The following FRYL variants were observed in gnomAD, a reference collection of about 807,000 sequenced individuals.
FRYL encodes protein furry homolog-like.
In FRYL, 150 loss-of-function variants were observed where a neutral mutation model predicts 351.2. That is an observed-to-expected ratio of 0.43 (90% CI 0.37 to 0.49). The LOEUF (loss-of-function observed/expected upper bound fraction) is 0.49. Among genes scored for constraint, FRYL ranks in the 20% least tolerant of loss-of-function variants. FRYL has a pLI of 0.00. For synonymous variants in FRYL, 1,153 were observed against 1,257.1 expected (o/e 0.92, Z 1.75); for missense variants, 3,036 against 3,619.3 (o/e 0.84, Z 4.13).
At chr4:48,694,737 T>C (rs1765992302) in intron 2 of FRYL, among the ~76,000 whole-genome samples, 2 of 152,174 alleles carry the variant, frequency 1.3e-5, no homozygotes, top group African/African-American at 4.8e-5. Flanking sequence ...CCCACTAAAA[T>C]TATTTCTTGA....
intron 16 of FRYL, among the ~76,000 whole-genome samples, chr4:48,593,140 A>T (rs1743818630): frequency 6.6e-6 from 1 of 152,058 alleles, no homozygotes; most frequent in Admixed American, 6.6e-5. Context: ...TGGGGGAAAC[A>T]AATTTTTGTT....
In FRYL at chr4:48,581,485, T is replaced by C. The variant is rs1740888666; in HGVS notation, c.2107A>G (p.Arg703Gly). ...VILCSSRPAT[R>G]RLAVSVLREI... ...CTAAGGACACTGACGGCTAGTCTCCTAGTGGCAGGTCGACTGCTACAGAGA... is the reference window on the plus strand; with the variant it reads ...CTAAGGACACTGACGGCTAGTCTCCCAGTGGCAGGTCGACTGCTACAGAGA... Residue 703 changes from arginine to glycine, a missense_variant, in exon 21 of 64, where the codon AGG becomes GGG. Physicochemically the swap from Arg to Gly is moderately radical, Grantham distance 125 (BLOSUM62 -2). Transcript: ENST00000358350. 2 of 1,613,928 alleles carry C rather than the reference T, an allele frequency of 1.2e-6. No homozygotes were observed. Among genetic ancestry groups the C allele is most frequent in the African/African-American group, 1.3e-5 (1 of 74,918 alleles).
At chr4:48,679,777 C>T (rs1349840920) in intron 3 of FRYL, among the ~76,000 whole-genome samples, 2 of 151,922 alleles carry the variant, frequency 1.3e-5, no homozygotes, top group Non-Finnish European at 2.9e-5. Flanking sequence ...ATCAAAACAT[C>T]GCTATGTAAC....
Position 48,564,941 on chromosome 4 carries a change from C to A in FRYL, c.3433G>T (p.Asp1145Tyr). Residue 1145 changes from aspartate (D) to tyrosine (Y), a missense_variant, in exon 30 of 64, where the codon GAC (aspartate) becomes TAC (tyrosine). By Grantham distance (160) the Asp-to-Tyr change is radical (BLOSUM62 -3). Coordinates refer to ENST00000358350, the MANE Select transcript of FRYL (RefSeq NM_015030.2). ...KWLDNILDSL[D>Y]KKVHQLGCEA... ...GAAATTGTCATAATTACCTTTTTGT[C>A]CAGAGAATCCAAAATGTTATCCAAC... 1 of 1,562,102 alleles carries A rather than the reference C, an allele frequency of 6.4e-7. No homozygotes were observed. The highest frequency in any genetic ancestry group is 1.1e-5 in the South Asian group (1 of 87,700).
At chr4:48,507,714 A>ATGAT (rs1721525989) in intron 59 of FRYL, among the ~76,000 whole-genome samples, 1 of 151,244 alleles carries the variant, frequency 6.6e-6, no homozygotes, top group African/African-American at 2.4e-5. Context: ...AGATAGATAG[A>ATGAT]TGATAGATAG....
At chr4:48,745,621 G>A (rs1361438836) in intron 1 of FRYL, among the ~76,000 whole-genome samples, 1 of 152,088 alleles carries the variant, frequency 6.6e-6, no homozygotes, top group African/African-American at 2.4e-5. Context: ...GGGGAGTGGG[G>A]AAGGATAGCA....
At chr4:48,511,905 T>A (rs190952688) in intron 57 of FRYL, among the ~76,000 whole-genome samples, 80 of 152,298 alleles carry the variant, frequency 5.3e-4, no homozygotes, top group African/African-American at 1.6e-3. Flanking sequence ...GTGCCTTAGT[T>A]TCCCTCTCCA....
At chr4:48,740,289 A>ATTTT (rs71191255) in intron 1 of FRYL, among the ~76,000 whole-genome samples, 38 of 97,894 alleles carry the variant, frequency 3.9e-4, no homozygotes, top group African/African-American at 8.5e-4. Flanking sequence ...AAACAATCTG[A>ATTTT]TTTTTTTTTT....
chr4:48,578,357 G>GT (rs1232511970), intron 23 of FRYL, among the ~76,000 whole-genome samples: 2 of 152,130 alleles, frequency 1.3e-5, no homozygotes, highest in Non-Finnish European at 2.9e-5. Context: ...GATCAGTGGT[G>GT]TACTCTGTAA....
chr4:48,714,979 A>C (rs1172372165), intron 1 of FRYL, among the ~76,000 whole-genome samples: 3 of 152,136 alleles, frequency 2.0e-5, no homozygotes, highest in African/African-American at 4.8e-5. Context: ...TATGCAAATC[A>C]ATAAATGTAA....
rs879474146 is a variant in FRYL at position 48,550,634 on chromosome 4, G to A, written c.4591C>T (p.Arg1531Ter). The A allele has an allele frequency of 1.9e-6, 3 of 1,613,526 alleles. No homozygotes were observed. The highest frequency in any genetic ancestry group is 2.5e-6 in the Non-Finnish European group (3 of 1,179,714). Residue 1531 changes from arginine (R) to a stop codon, truncating the protein, a stop_gained, in exon 38 of 64, where the codon CGA becomes TGA. Transcript: ENST00000358350. LOFTEE classifies it high-confidence loss of function. Reference protein sequence around the residue: ...LNRQHHRLESRYSSSSGGSYE... With the variant: ...LNRQHHRLES The stretch of plus-strand genomic sequence containing the variant: ...GATCCTCCAGAGCTGCTACTGTATC[G>A]GGATTCTAGTCTGTGATGTTGCCGA...
intron 1 of FRYL, among the ~76,000 whole-genome samples, chr4:48,755,591 G>C (rs1456337533): frequency 6.6e-6 from 1 of 152,150 alleles, no homozygotes; most frequent in Non-Finnish European, 1.5e-5. Context: ...TACCTTATAT[G>C]TTCTCCTGAC....
At chr4:48,659,918 G>GAGA (rs1249228163) in intron 3 of FRYL, among the ~76,000 whole-genome samples, 77 of 794 alleles carry the variant, frequency 0.097, 33 homozygotes, top group African/African-American at 0.13. Flanking sequence ...GAAGGAGAAG[G>GAGA]AGAAGAAGAA....
chr4:48,630,570 C>T lies in FRYL; in HGVS notation c.120+3721G>A, dbSNP rs190144426. 2.7e-3 allele frequency among the ~76,000 whole-genome samples: 413 copies of T among 152,210 alleles called. 4 individuals carry two copies. Among genetic ancestry groups the T allele is most frequent in the Non-Finnish European group, 4.0e-3 (272 of 67,978 alleles). On this transcript the variant is annotated intron_variant, in intron 4 of 63. Coordinates refer to ENST00000358350, the MANE Select transcript of FRYL (RefSeq NM_015030.2). ...TTATTACCGAGGATTGATCCATCTC[C>T]TTTTAGGAAAAAAGGACCTAAGGTA...
intron 39 of FRYL, among the ~76,000 whole-genome samples, 182 bp from the exon 40 acceptor site, chr4:48,548,975 G>C (rs1377550269): frequency 6.6e-6 from 1 of 152,148 alleles, no homozygotes; most frequent in East Asian, 1.9e-4. Context: ...TAAAGAGATG[G>C]AACAGAACAT....
intron 2 of FRYL, 40 bp downstream of exon 2, chr4:48,710,479 G>C (rs1449990913): frequency 1.0e-5 from 4 of 398,374 alleles, no homozygotes; most frequent in Admixed American, 4.4e-5. Flanking sequence ...TATAAAAAAG[G>C]AAAGAAGGCC....
intron 59 of FRYL, among the ~76,000 whole-genome samples, chr4:48,509,823 C>T (rs1002206464): frequency 1.4e-4 from 21 of 152,156 alleles, no homozygotes; most frequent in African/African-American, 5.1e-4. Flanking sequence ...ACACAGTCTC[C>T]ACAAAGAAGC....
Position 48,563,994 on chromosome 4 carries a change from C to T in FRYL, c.3550G>A (p.Val1184Met). Reference sequence around the variant, plus strand: ...ATGGCTTTAAAGCAGCCGGCCGCCACCCTCCCGGAGCCCGTGTAGCAGCGG... The same window carrying T: ...ATGGCTTTAAAGCAGCCGGCCGCCATCCTCCCGGAGCCCGTGTAGCAGCGG... Reference protein sequence around the residue: ...VDRCYTGSGRVAAGCFKAIAN... With the variant: ...VDRCYTGSGRMAAGCFKAIAN... The change falls in exon 31 of 64, where the codon GTG becomes ATG. Residue 1184 changes from valine (V) to methionine (M), a missense_variant. Val to Met is a conservative substitution (Grantham distance 21). Coordinates refer to ENST00000358350, the MANE Select transcript of FRYL (RefSeq NM_015030.2). 6.2e-7 allele frequency: 1 copy of T among 1,614,160 alleles called. No individual in the cohort carries two copies. The highest frequency in any genetic ancestry group is 8.5e-7 in the Non-Finnish European group (1 of 1,180,008).
intron 5 of FRYL, 108 bp from the exon 6 acceptor site, chr4:48,620,886 C>T (rs956843766): frequency 1.0e-6 from 1 of 956,280 alleles, no homozygotes. Context: ...TAACTCAATG[C>T]AATAAATGTG....
Sources: allele counts gnomAD v4.1 joint callset (sites outside exome capture counted in the v4.1 genomes callset), GRCh38; gene constraint gnomAD v4.1.1; transcripts MANE v1.5; gene names NCBI Gene and HGNC (gene_info 2026-07-23, HGNC 2026-07-21).